Variants in SMAP2 observed in about 807,000 individuals in gnomAD.
The protein encoded by SMAP2 is small ArfGAP2, also known as stromal membrane-associated protein 2.
Under a neutral mutation model 56.4 loss-of-function variants are expected in SMAP2, and 25 were observed. That is an observed-to-expected ratio of 0.44 (90% CI 0.32 to 0.62). The LOEUF (loss-of-function observed/expected upper bound fraction) is 0.62, where lower values mean the gene tolerates loss of function less well. SMAP2 is among the 20% of genes least tolerant of loss of function. The probability of loss-of-function intolerance (pLI) is 0.04; values close to 1 mark genes in which losing one functional copy is unlikely to be tolerated. For synonymous variants in SMAP2, 157 were observed against 181.7 expected, an observed-to-expected ratio of 0.86 and a Z score of 1.09; for missense variants, 388 against 545.6, an observed-to-expected ratio of 0.71 and a Z score of 2.88.
At chr1:40,345,888 GTATTATATTATATTA>G (rs56769230) in intron 1 of SMAP2, among the ~76,000 whole-genome samples, 23 of 120,122 alleles carry the variant, frequency 1.9e-4, no homozygotes, top group Non-Finnish European at 3.1e-4. Flanking sequence ...ATATTGTATT[GTATTATATTATATTA>G]TATTATATTA....
At position 40,374,715 on chromosome 1, in the gene SMAP2, A is replaced by T; in HGVS notation, c.103+492A>T. On this transcript the variant is annotated intron_variant, in intron 1 of 9. Transcript: ENST00000372718. The surrounding 1 kb of genome is among the most constrained non-coding windows in gnomAD (Gnocchi z 5.9). ...GCTTAAATGATTTTTAAAGGTGGTG[A>T]TTTTTGCTTCCTGCTATTTGGTTAG... 1 of 1,550,190 alleles carries T rather than the reference A, an allele frequency of 6.5e-7. No homozygotes were observed. The highest frequency in any genetic ancestry group is 8.7e-7 in the Non-Finnish European group (1 of 1,146,932).
At chr1:40,356,116 A>G (rs904735108) in intron 1 of SMAP2, among the ~76,000 whole-genome samples, 3 of 152,176 alleles carry the variant, frequency 2.0e-5, no homozygotes, top group Admixed American at 6.5e-5. Context: ...TCATTTCACT[A>G]ACATAATGAC....
At chr1:40,352,269 C>A (rs1476992239) in intron 1 of SMAP2, among the ~76,000 whole-genome samples, 4 of 152,134 alleles carry the variant, frequency 2.6e-5, no homozygotes, top group African/African-American at 9.7e-5. Flanking sequence ...ACCTTCTCAG[C>A]ACAGCATACA....
chr1:40,361,313 C>T (rs1644458841), intron 1 of SMAP2, among the ~76,000 whole-genome samples: 1 of 152,038 alleles, frequency 6.6e-6, no homozygotes, highest in Admixed American at 6.6e-5. Context: ...CACTCAAGAG[C>T]ACTTGGGCCC....
intron 1 of SMAP2, among the ~76,000 whole-genome samples, chr1:40,389,058 C>T (rs1644690288): frequency 6.6e-6 from 1 of 152,164 alleles, no homozygotes; most frequent in South Asian, 2.1e-4. Context: ...GAACAAACTC[C>T]GGACACGCCG....
At chr1:40,345,494 C>CT (rs1293164617) in intron 1 of SMAP2, among the ~76,000 whole-genome samples, 6 of 150,572 alleles carry the variant, frequency 4.0e-5, no homozygotes, top group South Asian at 2.1e-4. Context: ...TTTCATTTTT[C>CT]TTTTTTTTTG....
intron 1 of SMAP2, among the ~76,000 whole-genome samples, chr1:40,392,281 G>A (rs1166093766): frequency 2.0e-5 from 3 of 151,966 alleles, no homozygotes; most frequent in African/African-American, 7.2e-5. Flanking sequence ...CGCTGATTGG[G>A]GTAGAGTGTG....
At chr1:40,403,977 A>G (rs901359897) in intron 1 of SMAP2, among the ~76,000 whole-genome samples, 1 of 152,228 alleles carries the variant, frequency 6.6e-6, no homozygotes, top group African/African-American at 2.4e-5. Context: ...GCATGCCTGT[A>G]GTCCCAGCTA....
chr1:40,403,904 G>C (rs1450114061), intron 1 of SMAP2, among the ~76,000 whole-genome samples: 3 of 152,098 alleles, frequency 2.0e-5, no homozygotes, highest in Non-Finnish European at 2.9e-5. Context: ...TTCACAACCA[G>C]CCTAAGCAAC....
Position 40,364,130 on chromosome 1 carries a change from A to G in SMAP2, c.55+1694A>G, listed in dbSNP as rs146163391. On this transcript the variant is annotated intron_variant, in intron 2 of 6. Transcript: ENST00000435168. ...CTTAAGAGATTTTGATCTCTTAGCT[A>G]TAAGATACACTAATGAGAGTTTCCT... 5.4e-3 allele frequency among the ~76,000 whole-genome samples: 829 copies of G among 152,334 alleles called. 4 individuals are homozygous for G. The highest frequency in any genetic ancestry group is 9.3e-3 in the South Asian group (45 of 4,826).
rs1225025759 is a variant in SMAP2 at position 40,415,398 on chromosome 1, C to T, written c.681+17C>T. The T allele has an allele frequency of 6.7e-7, 1 of 1,493,646 alleles. No individual in the cohort carries two copies. Among genetic ancestry groups the T allele is most frequent in the South Asian group, 1.1e-5 (1 of 88,392 alleles). 92.5% of individuals were successfully genotyped at this position (1,493,646 alleles called of 1,614,324 possible). A position where few individuals can be genotyped will look rare whatever the true frequency, so the allele number is the denominator to read the frequency against. On this transcript the variant is annotated intron_variant, in intron 7 of 9. Coordinates refer to ENST00000372718, the MANE Select transcript of SMAP2 (RefSeq NM_022733.3). ...TCCAGAAAGGTGAGTCTTGTGGGCT[C>T]CTCAGGATTAAAGAACATTCTGAAA...
At chr1:40,347,847 C>T (rs1644395556) in intron 1 of SMAP2, among the ~76,000 whole-genome samples, 1 of 152,074 alleles carries the variant, frequency 6.6e-6, no homozygotes, top group Admixed American at 6.6e-5. Context: ...TAAAAACATA[C>T]ATTAAATGTG....
upstream of SMAP2, among the ~76,000 whole-genome samples, chr1:40,373,510 T>A (rs1324356187): frequency 6.6e-6 from 1 of 152,230 alleles, no homozygotes; most frequent in African/African-American, 2.4e-5. Context: ...CCACTCCCTT[T>A]CTACCAGGCT....
chr1:40,355,301 A>G (rs1180197570), intron 1 of SMAP2, among the ~76,000 whole-genome samples: 12 of 152,184 alleles, frequency 7.9e-5, no homozygotes, highest in Admixed American at 7.9e-4. Flanking sequence ...GATGAGTATC[A>G]GTGCCTGTTT....
rs1313592910 is a variant in SMAP2, at chr1:40,417,165, C to T, written c.1164+69C>T. 20 of 1,104,542 alleles carry T rather than the reference C, an allele frequency of 1.8e-5. No individual in the cohort carries two copies. In the East Asian group the frequency reaches 5.1e-4, roughly 28 times the overall value. 68.4% of individuals were successfully genotyped at this position (1,104,542 alleles called of 1,614,324 possible). ...CTCAAGTTTTTCTCGGTTTGTACCT[C>T]TCCACTATCCTTTGAATCCTTTCCA... On this transcript the variant is annotated intron_variant, in intron 9 of 9. Coordinates refer to ENST00000372718, the MANE Select transcript of SMAP2 (RefSeq NM_022733.3).
intron 7 of SMAP2, among the ~76,000 whole-genome samples, chr1:40,415,777 A>G (rs1644981093): frequency 6.6e-6 from 1 of 152,116 alleles, no homozygotes; most frequent in Admixed American, 6.5e-5. Context: ...CATTTTGTAT[A>G]TTTCATTAAT....
chr1:40,384,931 T>C (rs538590289), intron 1 of SMAP2, among the ~76,000 whole-genome samples: 28 of 152,332 alleles, frequency 1.8e-4, no homozygotes, highest in African/African-American at 6.7e-4. Flanking sequence ...CTGCTGTGTT[T>C]GACTATTCCG....
At chr1:40,393,412 G>T in intron 1 of SMAP2, 1 of 1,535,632 alleles carries the variant, frequency 6.5e-7, no homozygotes. Flanking sequence ...AGGAGAAAAG[G>T]CTTCATGGGG....
intron 1 of SMAP2, among the ~76,000 whole-genome samples, chr1:40,401,555 T>G (rs1427065689): frequency 1.3e-5 from 2 of 152,174 alleles, no homozygotes; most frequent in Non-Finnish European, 2.9e-5. Context: ...TATTATAATA[T>G]TAGTAGTAGC....
Sources: gnomAD v4.1 joint callset for allele counts (sites outside exome capture counted in the v4.1 genomes callset) on GRCh38, gnomAD v4.1.1 for gene constraint, Gnocchi (gnomAD v3.1) non-coding constraint, MANE v1.5 for transcripts, NCBI Gene and HGNC (gene_info 2026-07-23, HGNC 2026-07-21) for gene names.